Variants in PKN2 observed in about 807,000 individuals in gnomAD.
PKN2 encodes the protein protein kinase N2.
PKN2 carries 38 observed loss-of-function variants against 119.1 expected under a neutral mutation model. The ratio of observed to expected loss-of-function variants is 0.32; its 90% CI spans 0.25 to 0.42. PKN2 has a LOEUF of 0.42. Ranked by LOEUF, PKN2 falls within the 10% of genes least tolerant of loss-of-function variation. The pLI, the probability that PKN2 is intolerant of heterozygous loss-of-function variation, is 1.00. For synonymous variants in PKN2, 390 were observed against 384.9 expected (o/e 1.01, Z -0.15); for missense variants, 850 against 1,165.1 (o/e 0.73, Z 3.94).
chr1:88,710,128 C>A (rs956408556), intron 1 of PKN2, among the ~76,000 whole-genome samples: 12 of 152,080 alleles, frequency 7.9e-5, no homozygotes, highest in Non-Finnish European at 1.5e-4. Flanking sequence ...AAAACCGGTC[C>A]TGGGATTCAA....
At chr1:88,701,826 T>G (rs1666781670) in intron 1 of PKN2, among the ~76,000 whole-genome samples, 1 of 152,242 alleles carries the variant, frequency 6.6e-6, no homozygotes, top group Non-Finnish European at 1.5e-5. Flanking sequence ...TTTGACTGAA[T>G]TATGAAAAGT....
intron 1 of PKN2, among the ~76,000 whole-genome samples, chr1:88,694,184 G>T (rs971663966): frequency 1.3e-5 from 2 of 152,132 alleles, no homozygotes; most frequent in Non-Finnish European, 2.9e-5. Flanking sequence ...CATTCTATGG[G>T]TTTGTACAAA....
chr1:88,776,190 TCTCC>T (rs1197239759), intron 6 of PKN2, among the ~76,000 whole-genome samples: 2 of 137,914 alleles, frequency 1.5e-5, no homozygotes, highest in Non-Finnish European at 3.1e-5. Context: ...TTCCTTTCTC[TCTCC>T]CTCCCTCCCC....
intron 1 of PKN2, among the ~76,000 whole-genome samples, chr1:88,696,341 T>C (rs1237858799): frequency 6.6e-6 from 1 of 152,198 alleles, no homozygotes; most frequent in Non-Finnish European, 1.5e-5. Context: ...GTTGTATCAC[T>C]TAAGGGTAAG....
intron 1 of PKN2, among the ~76,000 whole-genome samples, chr1:88,718,574 T>C (rs1345670777): frequency 6.6e-6 from 1 of 152,240 alleles, no homozygotes; most frequent in African/African-American, 2.4e-5. Flanking sequence ...CTAATATTTC[T>C]CATATATTGA....
At chr1:88,771,955 A>G in intron 6 of PKN2, 76 bp downstream of exon 6, 1 of 924,002 alleles carries the variant, frequency 1.1e-6, no homozygotes, top group Non-Finnish European at 1.7e-6. Flanking sequence ...TTGAAAGAAA[A>G]ACCTGTGCAT....
At chr1:88,777,889 C>T (rs992669832) in intron 6 of PKN2, among the ~76,000 whole-genome samples, 7 of 152,178 alleles carry the variant, frequency 4.6e-5, no homozygotes, top group African/African-American at 7.2e-5. Flanking sequence ...TTTACAGTCT[C>T]TTCTTTCTGA....
chr1:88,748,667 G>A (rs1279309078), intron 2 of PKN2, among the ~76,000 whole-genome samples: 1 of 152,156 alleles, frequency 6.6e-6, no homozygotes, highest in Non-Finnish European at 1.5e-5. Flanking sequence ...GGGCACAGTG[G>A]CTCATGTCTA....
At chr1:88,751,200 G>A (rs1169704305) in intron 2 of PKN2, among the ~76,000 whole-genome samples, 9 of 151,926 alleles carry the variant, frequency 5.9e-5, no homozygotes, top group African/African-American at 2.2e-4. Context: ...GTGTGTGTGT[G>A]TAGATTAGCA....
At chr1:88,763,626 A>G (rs905019176) in intron 3 of PKN2, among the ~76,000 whole-genome samples, 1 of 150,164 alleles carries the variant, frequency 6.7e-6, no homozygotes, top group Admixed American at 6.6e-5. Context: ...AAAAAAAAAA[A>G]GAAAGTTCAC....
At chr1:88,692,823 G>A (rs921477408) in intron 1 of PKN2, among the ~76,000 whole-genome samples, 2 of 152,192 alleles carry the variant, frequency 1.3e-5, no homozygotes, top group South Asian at 4.2e-4. Flanking sequence ...GTGTGGGAGG[G>A]ACAGTTTTAA....
chr1:88,774,044 C>T (rs368400736), intron 6 of PKN2, among the ~76,000 whole-genome samples: 11 of 152,138 alleles, frequency 7.2e-5, no homozygotes, highest in African/African-American at 1.9e-4. Flanking sequence ...CTCAGGGAAG[C>T]ACTATACTTA....
intron 1 of PKN2, among the ~76,000 whole-genome samples, chr1:88,699,725 G>A (rs1666695306): frequency 6.6e-6 from 1 of 151,788 alleles, no homozygotes; most frequent in South Asian, 2.1e-4. Flanking sequence ...ATGGCTTACA[G>A]CTCCATCCAT....
At chr1:88,805,465 CT>C in intron 10 of PKN2, 31 bp from the exon 11 acceptor site, 1 of 1,511,378 alleles carries the variant, frequency 6.6e-7, no homozygotes, top group Non-Finnish European at 9.0e-7. Context: ...AAAGAAATTA[CT>C]TGCTGTTTTT....
chr1:88,770,261 G>C (rs868570597), intron 3 of PKN2, 91 bp from the exon 4 acceptor site: 1 of 672,546 alleles, frequency 1.5e-6, no homozygotes, highest in Middle Eastern at 2.6e-4. Flanking sequence ...TTTTTCACTT[G>C]CTGATATATC....
chr1:88,726,112 T>G (rs1667888271), intron 1 of PKN2, among the ~76,000 whole-genome samples: 1 of 152,162 alleles, frequency 6.6e-6, no homozygotes, highest in Non-Finnish European at 1.5e-5. Context: ...CCTTGGGATT[T>G]TCTATATACA....
intron 1 of PKN2, among the ~76,000 whole-genome samples, chr1:88,715,953 A>C (rs375584065): frequency 6.6e-6 from 1 of 152,140 alleles, no homozygotes; most frequent in Non-Finnish European, 1.5e-5. Flanking sequence ...TTCTCTTTAC[A>C]CACTGCTTTA....
At chr1:88,712,372 A>G (rs2100687944) in intron 1 of PKN2, among the ~76,000 whole-genome samples, 1 of 152,278 alleles carries the variant, frequency 6.6e-6, no homozygotes, top group Non-Finnish European at 1.5e-5. Flanking sequence ...CAAAATACCT[A>G]TATGCCAAAA....
intron 2 of PKN2, among the ~76,000 whole-genome samples, chr1:88,742,342 A>G (rs576909505): frequency 2.6e-5 from 4 of 152,278 alleles, no homozygotes; most frequent in Admixed American, 2.0e-4. Context: ...AGAAAACACT[A>G]CTGATATTTA....
Sources: gnomAD v4.1 joint callset for allele counts (sites outside exome capture counted in the v4.1 genomes callset) on GRCh38, gnomAD v4.1.1 for gene constraint, MANE v1.5 for transcripts, NCBI Gene and HGNC (gene_info 2026-07-23, HGNC 2026-07-21) for gene names.